The following RXFP2 variants were observed in gnomAD, a reference collection of about 807,000 sequenced individuals.
RXFP2 encodes the protein relaxin family peptide receptor 2, also known as relaxin receptor 2.
Under a neutral mutation model 88.6 loss-of-function variants are expected in RXFP2, and 68 were observed. The ratio of observed to expected loss-of-function variants is 0.77; its 90% CI spans 0.63 to 0.94. RXFP2 has a LOEUF of 0.94. RXFP2 is among the 40% of genes least tolerant of loss of function. RXFP2 has a pLI of 0.00. For synonymous variants in RXFP2, 329 were observed against 306.8 expected (o/e 1.07, Z -0.76); for missense variants, 791 against 893.9 (o/e 0.88, Z 1.47).
intron 5 of RXFP2, among the ~76,000 whole-genome samples, chr13:31,771,615 T>C (rs9549045): frequency 0.61 from 92,886 of 151,536 alleles, 28,655 homozygotes; most frequent in East Asian, 0.77. Context: ...ACATCGTGAA[T>C]GTCTCTACTA....
chr13:31,744,459 T>TA (rs1871329241), intron 1 of RXFP2, among the ~76,000 whole-genome samples: 2 of 152,242 alleles, frequency 1.3e-5, no homozygotes, highest in African/African-American at 4.8e-5. Flanking sequence ...TCTAAAATTC[T>TA]AAAAAATGTT....
intron 14 of RXFP2, among the ~76,000 whole-genome samples, chr13:31,789,506 C>T (rs116929289): frequency 1.3e-5 from 2 of 152,290 alleles, no homozygotes; most frequent in East Asian, 3.9e-4. Flanking sequence ...GACCTGGAAA[C>T]ATTAATTCAC....
chr13:31,786,659 T>C (rs533432102), intron 13 of RXFP2, 22 bp downstream of exon 13: 27 of 1,406,936 alleles, frequency 1.9e-5, no homozygotes, highest in African/African-American at 4.3e-5. Context: ...ATTACAATTA[T>C]ATTGATTATA....
chr13:31,748,708 C>T (rs1457689234), intron 1 of RXFP2, among the ~76,000 whole-genome samples: 2 of 152,136 alleles, frequency 1.3e-5, no homozygotes, highest in East Asian at 1.9e-4. Context: ...ACAGGCCAGG[C>T]ACTGTGTAAA....
At chr13:31,743,360 C>A (rs192727314) in intron 1 of RXFP2, among the ~76,000 whole-genome samples, 1 of 151,762 alleles carries the variant, frequency 6.6e-6, no homozygotes, top group Non-Finnish European at 1.5e-5. Context: ...CCCAGCTACT[C>A]GGGAGGCTGA....
rs121918303 is a variant in RXFP2, at chr13:31,777,398, A to C, written c.664A>C (p.Thr222Pro). 5.4e-3 allele frequency: 8,743 copies of C among 1,611,690 alleles called. 31 individuals are homozygous for C. Among genetic ancestry groups the C allele is most frequent in the Non-Finnish European group, 6.0e-3 (7,103 of 1,178,246 alleles). ...TWLILDDNPI[T>P]RISQRLFTGL... The stretch of plus-strand genomic sequence containing the variant: ...CAGAATTCTAGATGACAATCCAATA[A>C]CCAGAATTTCACAGCGCTTGTTTAC... Residue 222 changes from threonine to proline, a missense_variant, in exon 8 of 18, where the codon ACC becomes CCC. Thr to Pro is a conservative substitution (Grantham distance 38). Transcript: ENST00000298386.
intron 5 of RXFP2, 138 bp downstream of exon 5, chr13:31,766,165 T>C (rs975494494): frequency 1.6e-6 from 1 of 615,706 alleles, no homozygotes; most frequent in African/African-American, 1.9e-5. Flanking sequence ...GATTAGAAAA[T>C]AAAACATTTG....
At chr13:31,774,815 CTTAGA>C in intron 6 of RXFP2, 124 bp downstream of exon 6, 1 of 703,940 alleles carries the variant, frequency 1.4e-6, no homozygotes, top group Non-Finnish European at 2.6e-6. Context: ...TCACAAAGTA[CTTAGA>C]TTAGTTATTA....
chr13:31,785,884 G>A (rs1873513966), intron 11 of RXFP2, among the ~76,000 whole-genome samples: 1 of 152,136 alleles, frequency 6.6e-6, no homozygotes, highest in South Asian at 2.1e-4. Context: ...TAGTCTTGTA[G>A]AAGAACATAT....
intron 17 of RXFP2, among the ~76,000 whole-genome samples, chr13:31,798,255 C>T (rs1000505713): frequency 6.6e-6 from 1 of 152,138 alleles, no homozygotes; most frequent in Non-Finnish European, 1.5e-5. Flanking sequence ...CCTGTGCACT[C>T]AGTTGTGAGG....
chr13:31,769,940 G>A (rs1872677958), intron 5 of RXFP2, among the ~76,000 whole-genome samples: 1 of 152,142 alleles, frequency 6.6e-6, no homozygotes, highest in Admixed American at 6.5e-5. Context: ...CCTTCACCCA[G>A]GTCATGGAGT....
intron 16 of RXFP2, among the ~76,000 whole-genome samples, chr13:31,796,042 T>A (rs1874023630): frequency 9.2e-6 from 1 of 108,738 alleles, no homozygotes; most frequent in African/African-American, 3.7e-5. Flanking sequence ...GTTATTCTTT[T>A]TTTTTTTTTT....
At chr13:31,752,798 C>G (rs576745656) in intron 1 of RXFP2, among the ~76,000 whole-genome samples, 2 of 152,178 alleles carry the variant, frequency 1.3e-5, no homozygotes, top group South Asian at 2.1e-4. Flanking sequence ...GCTGCTGCCC[C>G]CCTCAGAGAT....
chr13:31,787,005 A>G (rs1474626806), intron 13 of RXFP2, among the ~76,000 whole-genome samples: 1 of 152,230 alleles, frequency 6.6e-6, no homozygotes, highest in African/African-American at 2.4e-5. Context: ...CTTTCCTACA[A>G]GGATCTACTT....
chr13:31,764,743 T>G (rs1400575944), intron 3 of RXFP2, among the ~76,000 whole-genome samples: 1 of 152,250 alleles, frequency 6.6e-6, no homozygotes, highest in Non-Finnish European at 1.5e-5. Flanking sequence ...TGAAGTGAAC[T>G]TAATCTTGCT....
chr13:31,801,150 T>C (rs1371492720), intron 17 of RXFP2, among the ~76,000 whole-genome samples: 1 of 151,998 alleles, frequency 6.6e-6, no homozygotes, highest in Non-Finnish European at 1.5e-5. Flanking sequence ...AAAAAAATTA[T>C]GAGATTGCGA....
Position 31,752,471 on chromosome 13 carries a change from C to A in RXFP2, c.95-5787C>A, listed in dbSNP as rs150704458. 2.6e-5 allele frequency among the ~76,000 whole-genome samples: 4 copies of A among 152,176 alleles called. No homozygotes were observed. In the South Asian group the frequency reaches 6.3e-4, roughly 24 times the overall value. ...AACTGGATCAAACTTCTGAATATAA[C>A]GATTGATGTGGCCAAGAAACACCAT... On this transcript the variant is annotated intron_variant, in intron 1 of 17. Transcript: ENST00000298386.
chr13:31,786,445 T>C lies in RXFP2; in HGVS notation c.992T>C (p.Leu331Pro). 6.2e-7 allele frequency: 1 copy of C among 1,601,052 alleles called. No individual in the cohort carries two copies. Among genetic ancestry groups the C allele is most frequent in the Non-Finnish European group, 8.6e-7 (1 of 1,168,192 alleles). ...SPHLFKDLKLLQKLNLSSNPL... is the reference protein window; with the variant it reads ...SPHLFKDLKLPQKLNLSSNPL... ...CACCTTTTTAAAGACTTGAAGCTTC[T>C]ACAAAAGCTGTAAGTTCTACTTCTC... The change falls in exon 12 of 18, where the codon CTA becomes CCA. Residue 331 changes from leucine to proline, a missense_variant. Coordinates refer to ENST00000298386, the MANE Select transcript of RXFP2 (RefSeq NM_130806.5).
chr13:31,785,797 T>C (rs992039606), intron 11 of RXFP2, among the ~76,000 whole-genome samples: 10 of 152,102 alleles, frequency 6.6e-5, no homozygotes, highest in Admixed American at 5.9e-4. Context: ...TTTTATAGAG[T>C]CACTTTCTTA....
Sources: allele counts gnomAD v4.1 joint callset (sites outside exome capture counted in the v4.1 genomes callset), GRCh38; gene constraint gnomAD v4.1.1; transcripts MANE v1.5; gene names NCBI Gene and HGNC (gene_info 2026-07-23, HGNC 2026-07-21).